Variants in TRAPPC9 observed in about 807,000 individuals in gnomAD.
The protein encoded by TRAPPC9 is IKK2 binding protein.
A neutral mutation model predicts 124.0 loss-of-function variants in TRAPPC9; 83 were observed. The ratio of observed to expected loss-of-function variants is 0.67; its 90% CI spans 0.56 to 0.80. The LOEUF (loss-of-function observed/expected upper bound fraction) is 0.80, where lower values mean the gene tolerates loss of function less well. Among genes scored for constraint, TRAPPC9 ranks in the 30% least tolerant of loss-of-function variants. The pLI is 0.00. For synonymous variants in TRAPPC9, 638 were observed against 617.5 expected, an observed-to-expected ratio of 1.03 and a Z score of -0.49; for missense variants, 1,302 against 1,508.3, an observed-to-expected ratio of 0.86 and a Z score of 2.27.
intron 21 of TRAPPC9, among the ~76,000 whole-genome samples, chr8:139,802,173 G>A (rs746067046): frequency 3.6e-4 from 55 of 152,206 alleles, no homozygotes; most frequent in Non-Finnish European, 5.4e-4. Context: ...TGTGCCAGGC[G>A]GGGAGCAAGC....
At chr8:139,768,320 A>G (rs1820717824) in intron 21 of TRAPPC9, among the ~76,000 whole-genome samples, 1 of 152,238 alleles carries the variant, frequency 6.6e-6, no homozygotes, top group African/African-American at 2.4e-5. Flanking sequence ...CTGGAGCCAC[A>G]GCAGTGAATA....
At chr8:139,748,686 A>G (rs970376879) in intron 21 of TRAPPC9, among the ~76,000 whole-genome samples, 1 of 151,992 alleles carries the variant, frequency 6.6e-6, no homozygotes, top group African/African-American at 2.4e-5. Flanking sequence ...TGGCGTGTCT[A>G]GCGCAGCCTC....
chr8:140,258,971 C>T lies in TRAPPC9; in HGVS notation c.2279-6042G>A, dbSNP rs117164646. 2.1e-3 allele frequency among the ~76,000 whole-genome samples: 325 copies of T among 152,340 alleles called. 2 individuals are homozygous for T. Among genetic ancestry groups the T allele is most frequent in the South Asian group, 4.1e-3 (20 of 4,828 alleles). The stretch of plus-strand genomic sequence containing the variant: ...GTCCTGTCAGACCATTTCTGAAACA[C>T]GGGCCCCAAGAACCAGCCGCCCCTT... On this transcript the variant is annotated intron_variant, in intron 15 of 22. Coordinates refer to ENST00000438773, the MANE Select transcript of TRAPPC9 (RefSeq NM_001160372.4).
At chr8:140,212,448 C>T (rs1051421497) in intron 17 of TRAPPC9, among the ~76,000 whole-genome samples, 1 of 152,092 alleles carries the variant, frequency 6.6e-6, no homozygotes, top group African/African-American at 2.4e-5. Flanking sequence ...AACCCCAGTC[C>T]GTCAATATTT....
intron 19 of TRAPPC9, among the ~76,000 whole-genome samples, chr8:139,938,643 A>AT (rs943236445): frequency 0.015 from 2,122 of 138,950 alleles, 40 homozygotes; most frequent in African/African-American, 0.046. Context: ...TACCCGATTA[A>AT]TTTTTTTTTT....
intron 19 of TRAPPC9, among the ~76,000 whole-genome samples, chr8:139,949,405 G>A (rs563281178): frequency 4.3e-4 from 66 of 152,262 alleles, no homozygotes; most frequent in Admixed American, 2.0e-3. Flanking sequence ...GGAGACATCC[G>A]TGGGCAATGA....
intron 7 of TRAPPC9, among the ~76,000 whole-genome samples, chr8:140,380,956 G>A (rs1161070490): frequency 1.3e-5 from 2 of 152,020 alleles, no homozygotes; most frequent in African/African-American, 4.8e-5. Flanking sequence ...TGTAATCTTA[G>A]CAACCTGGGA....
chr8:139,870,111 G>A (rs183749782), intron 21 of TRAPPC9, among the ~76,000 whole-genome samples: 39 of 152,222 alleles, frequency 2.6e-4, no homozygotes, highest in Admixed American at 1.8e-3. Flanking sequence ...CTGGGTACAC[G>A]GACAGAAGAG....
At chr8:140,225,226 G>A (rs370885745) in intron 16 of TRAPPC9, among the ~76,000 whole-genome samples, 5 of 152,128 alleles carry the variant, frequency 3.3e-5, no homozygotes, top group Non-Finnish European at 7.3e-5. Context: ...TCACCATTAT[G>A]CCCCTCATAG....
intron 10 of TRAPPC9, among the ~76,000 whole-genome samples, chr8:140,308,738 G>C (rs775063231): frequency 6.6e-6 from 1 of 152,002 alleles, no homozygotes; most frequent in Non-Finnish European, 1.5e-5. Context: ...AATATTAGCC[G>C]GTCGTGGTGC....
At chr8:139,904,447 G>T (rs1402732805) in intron 20 of TRAPPC9, 1 of 152,290 alleles carries the variant, frequency 6.6e-6, no homozygotes, top group African/African-American at 2.4e-5. Context: ...TCAGGTAGCA[G>T]CGTGGCATGA....
intron 17 of TRAPPC9, among the ~76,000 whole-genome samples, chr8:140,078,843 G>A (rs925908765): frequency 1.3e-5 from 2 of 152,026 alleles, no homozygotes; most frequent in Non-Finnish European, 2.9e-5. Context: ...CCCAGCAATG[G>A]CTCAAGGCTT....
intron 21 of TRAPPC9, among the ~76,000 whole-genome samples, chr8:139,765,138 C>G (rs72683224): frequency 0.048 from 7,372 of 152,288 alleles, 226 homozygotes; most frequent in South Asian, 0.12. Context: ...CAGATGCACC[C>G]AAGGGTGGGG....
chr8:140,382,254 A>G (rs2068630228), intron 7 of TRAPPC9, among the ~76,000 whole-genome samples: 1 of 152,178 alleles, frequency 6.6e-6, no homozygotes, highest in African/African-American at 2.4e-5. Context: ...CAACTGAGGT[A>G]CCGGGTTCAT....
chr8:139,897,331 T>G (rs1830726890), intron 20 of TRAPPC9, among the ~76,000 whole-genome samples: 1 of 152,226 alleles, frequency 6.6e-6, no homozygotes, highest in Non-Finnish European at 1.5e-5. Context: ...AACCTTCCTC[T>G]GCCATCCCTG....
chr8:140,135,423 C>T (rs1209806122), intron 17 of TRAPPC9, among the ~76,000 whole-genome samples: 1 of 152,084 alleles, frequency 6.6e-6, no homozygotes, highest in Non-Finnish European at 1.5e-5. Context: ...ACAAAATGTG[C>T]TATATATACA....
At chr8:140,225,769 CTG>C (rs1367419569) in intron 16 of TRAPPC9, among the ~76,000 whole-genome samples, 2 of 152,310 alleles carry the variant, frequency 1.3e-5, no homozygotes, top group African/African-American at 4.8e-5. Flanking sequence ...GCCATCTCAT[CTG>C]TGTGTGTGTC....
At chr8:140,335,449 G>C (rs530923219) in intron 9 of TRAPPC9, among the ~76,000 whole-genome samples, 1 of 152,206 alleles carries the variant, frequency 6.6e-6, no homozygotes, top group East Asian at 1.9e-4. Context: ...AAAGTTTTAA[G>C]CTTCCCACAC....
At chr8:140,323,244 C>T (rs1397539991) in intron 9 of TRAPPC9, among the ~76,000 whole-genome samples, 1 of 152,192 alleles carries the variant, frequency 6.6e-6, no homozygotes, top group East Asian at 1.9e-4. Context: ...GCTCTGAGCC[C>T]GTTCTCCCAC....
Sources: gnomAD v4.1 joint callset for allele counts (sites outside exome capture counted in the v4.1 genomes callset) on GRCh38, gnomAD v4.1.1 for gene constraint, MANE v1.5 for transcripts, NCBI Gene and HGNC (gene_info 2026-07-23, HGNC 2026-07-21) for gene names.